The following RUNX1 variants were observed in gnomAD, a reference collection of about 807,000 sequenced individuals.
RUNX1 encodes the protein runt-related transcription factor 1.
A neutral mutation model predicts 42.8 loss-of-function variants in RUNX1; 19 were observed. That is an observed-to-expected ratio of 0.44 (90% CI 0.31 to 0.65). The LOEUF (loss-of-function observed/expected upper bound fraction) is 0.65. RUNX1 is among the 30% of genes least tolerant of loss of function. RUNX1 has a pLI of 0.07. For synonymous variants in RUNX1, 271 were observed against 289.4 expected (o/e 0.94, Z 0.64); for missense variants, 528 against 672.0 (o/e 0.79, Z 2.37).
At chr21:34,809,089 G>T (rs2056722908) in intron 7 of RUNX1, among the ~76,000 whole-genome samples, 1 of 152,124 alleles carries the variant, frequency 6.6e-6, no homozygotes, top group African/African-American at 2.4e-5. Context: ...TCTGCACTGT[G>T]CACTTTCTGC....
At chr21:34,913,753 T>C (rs577574055) in intron 2 of RUNX1, among the ~76,000 whole-genome samples, 2 of 152,342 alleles carry the variant, frequency 1.3e-5, no homozygotes, top group South Asian at 4.1e-4. Flanking sequence ...TTCTGACGTA[T>C]CAGTTAACAA....
intron 7 of RUNX1, among the ~76,000 whole-genome samples, chr21:34,817,671 C>T (rs1044553675): frequency 2.6e-5 from 4 of 152,180 alleles, no homozygotes; most frequent in African/African-American, 9.7e-5. Context: ...TCTACACAGG[C>T]TCCTTACTGT....
intron 2 of RUNX1, among the ~76,000 whole-genome samples, chr21:34,978,582 G>GT (rs1454559506): frequency 1.3e-5 from 2 of 152,028 alleles, no homozygotes; most frequent in African/African-American, 4.8e-5. Flanking sequence ...GAAAGTTTTT[G>GT]TTTTTTTAAA....
intron 4 of RUNX1, among the ~76,000 whole-genome samples, chr21:34,881,825 T>A (rs2146371657): frequency 6.6e-6 from 1 of 152,364 alleles, no homozygotes; most frequent in South Asian, 2.1e-4. Flanking sequence ...CATTTAGGCC[T>A]TCTAGAAACT....
chr21:35,004,347 G>T (rs759020339), intron 2 of RUNX1, among the ~76,000 whole-genome samples: 12 of 152,320 alleles, frequency 7.9e-5, no homozygotes, highest in Middle Eastern at 6.8e-3. Flanking sequence ...CTAGAACCAA[G>T]ACACCACTTT....
At chr21:34,920,660 C>T (rs1056839436) in intron 2 of RUNX1, among the ~76,000 whole-genome samples, 1 of 152,156 alleles carries the variant, frequency 6.6e-6, no homozygotes, top group Admixed American at 6.5e-5. Context: ...CGTTCTGAGG[C>T]CATCCCTATT....
At chr21:34,834,623 G>T (rs1453368108) in intron 6 of RUNX1, 22 bp from the exon 7 acceptor site, 3 of 1,524,718 alleles carry the variant, frequency 2.0e-6, no homozygotes, top group Non-Finnish European at 2.7e-6. Flanking sequence ...AGCAGGGAGG[G>T]GAGGGGATGG....
intron 2 of RUNX1, among the ~76,000 whole-genome samples, chr21:34,958,780 G>T (rs1011322141): frequency 4.1e-4 from 62 of 151,704 alleles, no homozygotes; most frequent in Middle Eastern, 3.4e-3. Context: ...ATTCACAATA[G>T]CAAAGACTTG....
At chr21:34,995,739 C>A (rs1430104107) in intron 2 of RUNX1, among the ~76,000 whole-genome samples, 2 of 152,216 alleles carry the variant, frequency 1.3e-5, no homozygotes, top group Non-Finnish European at 2.9e-5. Flanking sequence ...CCATGCCTGG[C>A]ATCTGGCAGG....
At chr21:35,035,951 G>T (rs1424724520) in intron 2 of RUNX1, among the ~76,000 whole-genome samples, 2 of 152,180 alleles carry the variant, frequency 1.3e-5, no homozygotes, top group African/African-American at 4.8e-5. Flanking sequence ...AAACTGAGAG[G>T]GTTAAGGGTT....
chr21:34,808,175 C>T (rs911114867), intron 7 of RUNX1, among the ~76,000 whole-genome samples: 6 of 152,226 alleles, frequency 3.9e-5, no homozygotes, highest in African/African-American at 1.2e-4. Context: ...GCCAACCGTT[C>T]GTCTCTGGCC....
At chr21:34,931,243 T>C (rs570363345) in intron 2 of RUNX1, among the ~76,000 whole-genome samples, 6 of 151,722 alleles carry the variant, frequency 4.0e-5, no homozygotes, top group African/African-American at 1.2e-4. Flanking sequence ...TATTATTATT[T>C]TTCTAAGCGT....
chr21:34,853,328 AT>A (rs2057451222), intron 6 of RUNX1, among the ~76,000 whole-genome samples: 1 of 152,220 alleles, frequency 6.6e-6, no homozygotes, highest in Non-Finnish European at 1.5e-5. Context: ...TACAAAAAAA[AT>A]GATGAATGCC....
Position 34,979,285 on chromosome 21 carries a change from A to T in RUNX1, c.58+69557T>A, listed in dbSNP as rs560949194. ...ATGCCTCAAGCGTTATATGCTATAC[A>T]TCCTCATAAGTCTTTCTTATAAGTC... is the stretch of plus-strand genomic sequence containing the variant. On this transcript the variant is annotated intron_variant, in intron 2 of 8. Transcript: ENST00000675419. Among the ~76,000 whole-genome samples, 4 of 151,854 alleles carry T rather than the reference A, an allele frequency of 2.6e-5. No homozygotes were observed. In the South Asian group the frequency reaches 6.2e-4, roughly 24 times the overall value.
intron 2 of RUNX1, among the ~76,000 whole-genome samples, chr21:35,032,198 C>A (rs1305062551): frequency 6.6e-6 from 1 of 152,150 alleles, no homozygotes; most frequent in East Asian, 1.9e-4. Context: ...AGGAGATTTT[C>A]CCCTAAATAG....
chr21:34,975,820 G>A (rs1257908635), intron 2 of RUNX1, among the ~76,000 whole-genome samples: 3 of 146,634 alleles, frequency 2.0e-5, no homozygotes, highest in African/African-American at 7.6e-5. Flanking sequence ...AAATAGTTTT[G>A]GAGGGGAGAC....
intron 6 of RUNX1, among the ~76,000 whole-genome samples, chr21:34,856,619 A>AT (rs2057498363): frequency 6.6e-6 from 1 of 152,028 alleles, no homozygotes; most frequent in Non-Finnish European, 1.5e-5. Flanking sequence ...AAACCGTTTC[A>AT]TTTTTCTGGG....
At chr21:34,994,965 T>G (rs1253125019) in intron 2 of RUNX1, among the ~76,000 whole-genome samples, 1 of 152,208 alleles carries the variant, frequency 6.6e-6, no homozygotes, top group African/African-American at 2.4e-5. Context: ...GCAAGTGTCT[T>G]GGAGCTCCAG....
Position 34,850,039 on chromosome 21 carries a change from C to CA in RUNX1, c.613+9434dup, listed in dbSNP as rs869146786. Among the ~76,000 whole-genome samples the CA allele has an allele frequency of 4.7e-5, 7 of 147,652 alleles. No individual in the cohort carries two copies. The South Asian group carries it at 6.6e-4, about 14-fold the overall frequency. ...GGCTTACAGGAAAAAACAACAACAA[C>CA]AAAAAAAACTGAAGCCTTTGAGAAA... is the stretch of plus-strand genomic sequence containing the variant. On this transcript the variant is annotated intron_variant, in intron 6 of 8. Coordinates refer to ENST00000675419, the MANE Select transcript of RUNX1 (RefSeq NM_001754.5).
Sources: allele counts gnomAD v4.1 joint callset (sites outside exome capture counted in the v4.1 genomes callset), GRCh38; gene constraint gnomAD v4.1.1; transcripts MANE v1.5; gene names NCBI Gene and HGNC (gene_info 2026-07-23, HGNC 2026-07-21).